Variants in DENND4C observed in about 807,000 individuals in gnomAD.
The protein encoded by DENND4C is DENN domain containing 4C.
DENND4C carries 108 observed loss-of-function variants against 203.0 expected under a neutral mutation model. The observed-to-expected ratio is 0.53, with a 90% CI of 0.46 to 0.62. DENND4C has a LOEUF of 0.62. DENND4C is among the 20% of genes least tolerant of loss of function. DENND4C has a pLI of 0.00. For missense variants in DENND4C, 2,481 were observed against 2,301.2 expected (o/e 1.08, Z -1.60); for synonymous variants, 871 against 792.4 (o/e 1.10, Z -1.67).
intron 9 of DENND4C, among the ~76,000 whole-genome samples, chr9:19,302,687 A>G (rs1212454869): frequency 6.6e-6 from 1 of 152,216 alleles, no homozygotes; most frequent in Non-Finnish European, 1.5e-5. Flanking sequence ...GTCCTTTGTG[A>G]GTGGCTCTGC....
intron 1 of DENND4C, among the ~76,000 whole-genome samples, chr9:19,254,826 T>C (rs994119482): frequency 1.3e-5 from 2 of 152,170 alleles, no homozygotes; most frequent in Non-Finnish European, 2.9e-5. Flanking sequence ...CAATTACATG[T>C]TTTAAAATTA....
intron 1 of DENND4C, among the ~76,000 whole-genome samples, chr9:19,261,874 A>C (rs11506421): frequency 3.3e-5 from 5 of 151,520 alleles, no homozygotes; most frequent in African/African-American, 1.2e-4. Context: ...AGTTGTAGCA[A>C]TTTTTTACTT....
Position 19,335,117 on chromosome 9 carries a change from C to T in DENND4C, c.2589+12C>T, listed in dbSNP as rs756250105. ...GTTATTATAATAAGGTAAGTAGGATCGACATTAGGCAAGATGTGGTGTTTA... is the reference window on the plus strand; with the variant it reads ...GTTATTATAATAAGGTAAGTAGGATTGACATTAGGCAAGATGTGGTGTTTA... On this transcript the variant is annotated intron_variant, in intron 18 of 32. Transcript: ENST00000434457. The T allele has an allele frequency of 6.6e-6, 10 of 1,526,620 alleles. No individual in the cohort carries two copies. Among genetic ancestry groups the T allele is most frequent in the Admixed American group, 2.0e-5 (1 of 49,856 alleles). The allele number at this position is 1,526,620 out of a possible 1,614,324, so 94.6% of individuals were successfully genotyped here.
At chr9:19,371,956 T>G in intron 32 of DENND4C, 81 bp from the exon 33 acceptor site, 1 of 1,437,846 alleles carries the variant, frequency 7.0e-7, no homozygotes. Flanking sequence ...ATACATATAA[T>G]TTGACTCAAT....
At chr9:19,307,254 G>T (rs944845096) in intron 10 of DENND4C, among the ~76,000 whole-genome samples, 1 of 151,764 alleles carries the variant, frequency 6.6e-6, no homozygotes, top group Non-Finnish European at 1.5e-5. Context: ...AATTAGCTAG[G>T]AGTGGTGGTG....
intron 15 of DENND4C, among the ~76,000 whole-genome samples, chr9:19,327,569 C>T (rs182204730): frequency 3.2e-4 from 49 of 152,022 alleles, no homozygotes; most frequent in Admixed American, 1.9e-3. Flanking sequence ...AAACAGCCAA[C>T]AACCTAATAA....
intron 16 of DENND4C, among the ~76,000 whole-genome samples, chr9:19,328,665 ATCTATCTATCTATCT>A (rs1818399577): frequency 8.9e-6 from 1 of 112,198 alleles, no homozygotes; most frequent in African/African-American, 3.8e-5. Flanking sequence ...CTGTCTATCT[ATCTATCTATCTATCT>A]ATCTATCTAT....
Position 19,371,828 on chromosome 9 carries a change from G to C in DENND4C, c.5740+8G>C, listed in dbSNP as rs768184036. The C allele has an allele frequency of 2.1e-6, 3 of 1,432,248 alleles. No individual in the cohort carries two copies. In the Admixed American group the frequency reaches 6.1e-5, roughly 29 times the overall value. The allele number at this position is 1,432,248 out of a possible 1,614,324, so 88.7% of individuals were successfully genotyped here. A position where few individuals can be genotyped will look rare whatever the true frequency, so the allele number is the denominator to read the frequency against. ...GAGAGAATATTGATATTGGTAAGTT[G>C]GTTAATAAAAGATTATGAAAGGAAG... On this transcript the variant is annotated splice_region_variant and intron_variant, in intron 32 of 32. Coordinates refer to ENST00000434457, the MANE Select transcript of DENND4C (RefSeq NM_001330640.2).
chr9:19,349,935 G>C (rs1823707453), intron 23 of DENND4C, among the ~76,000 whole-genome samples: 1 of 152,066 alleles, frequency 6.6e-6, no homozygotes, highest in African/African-American at 2.4e-5. Context: ...TCAAGATTTT[G>C]ATTATATTCT....
intron 12 of DENND4C, among the ~76,000 whole-genome samples, chr9:19,323,815 G>T (rs372068454): frequency 4.6e-5 from 7 of 152,182 alleles, no homozygotes; most frequent in Admixed American, 4.6e-4. Flanking sequence ...TTAGATTTCA[G>T]TGAAGAGTTT....
intron 1 of DENND4C, among the ~76,000 whole-genome samples, chr9:19,273,690 A>G (rs559737555): frequency 3.3e-5 from 5 of 152,194 alleles, no homozygotes; most frequent in African/African-American, 7.2e-5. Context: ...TTCAGCATCA[A>G]TAGTAATTGC....
At chr9:19,301,217 AT>A (rs1026397538) in intron 9 of DENND4C, among the ~76,000 whole-genome samples, 1 of 151,948 alleles carries the variant, frequency 6.6e-6, no homozygotes, top group African/African-American at 2.4e-5. Context: ...GTCTGATTGT[AT>A]AGGGCTTTAT....
intron 2 of DENND4C, among the ~76,000 whole-genome samples, chr9:19,279,367 AAAAAAT>A (rs1406634174): frequency 1.3e-5 from 2 of 150,780 alleles, no homozygotes; most frequent in South Asian, 2.1e-4. Flanking sequence ...AGGAGTTCAC[AAAAAAT>A]AAAAATAAAA....
At chr9:19,274,351 A>G (rs1157174576) in intron 1 of DENND4C, among the ~76,000 whole-genome samples, 2 of 151,694 alleles carry the variant, frequency 1.3e-5, no homozygotes, top group Non-Finnish European at 1.5e-5. Context: ...GCTGGAGTGC[A>G]ATGGTGCGAT....
rs1821525961 is a variant in DENND4C, at chr9:19,341,115, G to A, written c.3004+1G>A. On this transcript the variant is annotated splice_donor_variant, in intron 21 of 32. Coordinates refer to ENST00000434457, the MANE Select transcript of DENND4C (RefSeq NM_001330640.2). LOFTEE classifies it high-confidence loss of function. ...ACTAAAACAAAAATGCAAACAGAAGGTTAAGTACTGATATTTACGAACTTT... is the reference window on the plus strand; with the variant it reads ...ACTAAAACAAAAATGCAAACAGAAGATTAAGTACTGATATTTACGAACTTT... The A allele has an allele frequency of 7.5e-6, 12 of 1,604,278 alleles. No homozygotes were observed. In the East Asian group the frequency reaches 2.7e-4, roughly 36 times the overall value.
At chr9:19,264,326 G>A (rs1412022592) in intron 1 of DENND4C, among the ~76,000 whole-genome samples, 1 of 151,288 alleles carries the variant, frequency 6.6e-6, no homozygotes, top group African/African-American at 2.4e-5. Flanking sequence ...TTGAGACGGA[G>A]TCTCACCCTG....
intron 12 of DENND4C, among the ~76,000 whole-genome samples, chr9:19,323,950 G>A (rs931827110): frequency 6.6e-6 from 1 of 152,096 alleles, no homozygotes; most frequent in Non-Finnish European, 1.5e-5. Context: ...CTTTCTGAGG[G>A]CTGACATTAT....
At chr9:19,237,823 A>G (rs990593462) in intron 1 of DENND4C, among the ~76,000 whole-genome samples, 4 of 152,158 alleles carry the variant, frequency 2.6e-5, no homozygotes, top group African/African-American at 7.2e-5. Flanking sequence ...ATACCCCCAC[A>G]CTAAAAAAGT....
intron 16 of DENND4C, among the ~76,000 whole-genome samples, chr9:19,329,660 C>T (rs1395471097): frequency 6.6e-6 from 1 of 152,178 alleles, no homozygotes; most frequent in East Asian, 1.9e-4. Flanking sequence ...TTTACATTCC[C>T]ACCAGTAGTG....
Sources: allele counts gnomAD v4.1 joint callset (sites outside exome capture counted in the v4.1 genomes callset), GRCh38; gene constraint gnomAD v4.1.1; transcripts MANE v1.5; gene names NCBI Gene and HGNC (gene_info 2026-07-23, HGNC 2026-07-21).